STAT5B: variants seen among roughly 807,000 people sequenced by gnomAD.
STAT5B encodes transcription factor STAT5B.
In STAT5B, 21 loss-of-function variants were observed where a neutral mutation model predicts 107.8. The observed-to-expected ratio is 0.19, with a 90% confidence interval of 0.14 to 0.28. STAT5B has a LOEUF of 0.28. Among genes scored for constraint, STAT5B ranks in the 10% least tolerant of loss-of-function variants. STAT5B has a pLI of 1.00. For missense variants in STAT5B, 565 were observed against 1,008.2 expected, an observed-to-expected ratio of 0.56 and a Z score of 5.95; for synonymous variants, 325 against 401.7, an observed-to-expected ratio of 0.81 and a Z score of 2.28.
chr17:42,212,751 C>G (rs1307653601), intron 12 of STAT5B, among the ~76,000 whole-genome samples: 1 of 152,170 alleles, frequency 6.6e-6, no homozygotes. Context: ...GCTTTTCAAC[C>G]CGTTCAGCCA....
chr17:42,254,712 G>C (rs906798254), intron 1 of STAT5B, among the ~76,000 whole-genome samples: 3 of 152,058 alleles, frequency 2.0e-5, no homozygotes, highest in Non-Finnish European at 4.4e-5. Context: ...GGAAGAAAGA[G>C]AGAGAGGGAA....
chr17:42,250,133 A>T (rs925147352), intron 1 of STAT5B, among the ~76,000 whole-genome samples: 2 of 152,180 alleles, frequency 1.3e-5, no homozygotes, highest in Non-Finnish European at 2.9e-5. Flanking sequence ...AACTATCTAC[A>T]CAAAACTTGC....
At chr17:42,262,968 GTGTATATATATATATATATATA>G (rs1362326818) in intron 1 of STAT5B, among the ~76,000 whole-genome samples, 12 of 32,694 alleles carry the variant, frequency 3.7e-4, no homozygotes, top group African/African-American at 4.3e-4. Flanking sequence ...GTGTGTGTGT[GTGTATATATATATATATATATA>G]TATATATATA....
rs550604650 is a variant in STAT5B at position 42,207,268 on chromosome 17, T to C, written c.2077+290A>G. Among the ~76,000 whole-genome samples the C allele has an allele frequency of 1.5e-4, 23 of 152,322 alleles. No homozygotes were observed. In the East Asian group the frequency reaches 4.4e-3, roughly 29 times the overall value. On this transcript the variant is annotated intron_variant, in intron 16 of 18. Transcript: ENST00000293328. ...GAAAGCAATAAAACCATCTCTGTCA[T>C]GAAAAACAAAATTTTACCTAATTTT...
chr17:42,217,749 C>T (rs2080185075), intron 9 of STAT5B: 4 of 469,416 alleles, frequency 8.5e-6, no homozygotes, highest in African/African-American at 4.0e-5. Context: ...AGTGCAGTGG[C>T]GTGATCTCAG....
intron 1 of STAT5B, among the ~76,000 whole-genome samples, chr17:42,256,108 A>G (rs138230131): frequency 1.3e-5 from 2 of 152,218 alleles, no homozygotes; most frequent in African/African-American, 4.8e-5. Context: ...ATTTTATGAT[A>G]TATATACGTA....
chr17:42,244,824 T>C (rs2080437195), intron 1 of STAT5B, among the ~76,000 whole-genome samples: 2 of 152,232 alleles, frequency 1.3e-5, no homozygotes, highest in South Asian at 4.1e-4. Context: ...TAATGGGATA[T>C]GGTGCAACCA....
chr17:42,267,565 AAAGT>A (rs1249101190), intron 1 of STAT5B, among the ~76,000 whole-genome samples: 3 of 152,226 alleles, frequency 2.0e-5, no homozygotes, highest in Admixed American at 6.5e-5. Context: ...AAAAAGAGAA[AAAGT>A]AAAAGAATAA....
rs1311136395 is a variant in STAT5B, at chr17:42,266,255, C to G, written c.-11+9993G>C. On this transcript the variant is annotated intron_variant, in intron 1 of 18. Transcript: ENST00000293328. ...ATAAAAATTCAAAACTAGCCAGGCTCAGGGGCTCACACCTGCAGTCCCATC... is the reference window on the plus strand; with the variant it reads ...ATAAAAATTCAAAACTAGCCAGGCTGAGGGGCTCACACCTGCAGTCCCATC... 2.6e-5 allele frequency among the ~76,000 whole-genome samples: 4 copies of G among 151,960 alleles called. No homozygotes were observed. In the East Asian group the frequency reaches 7.7e-4, roughly 29 times the overall value.
chr17:42,224,147 G>A (rs1035684703), intron 4 of STAT5B, among the ~76,000 whole-genome samples: 2 of 150,904 alleles, frequency 1.3e-5, no homozygotes, highest in African/African-American at 4.8e-5. Context: ...TAAGTGACCT[G>A]ATCAGACCAC....
upstream of STAT5B, among the ~76,000 whole-genome samples, chr17:42,279,803 G>GAA (rs756565375): frequency 1.0e-4 from 13 of 127,470 alleles, no homozygotes; most frequent in African/African-American, 3.1e-4. Flanking sequence ...CTCCATCTCA[G>GAA]AAAAAAAAAA....
At chr17:42,202,475 G>A in intron 17 of STAT5B, 28 bp from the exon 18 acceptor site, 3 of 1,612,364 alleles carry the variant, frequency 1.9e-6, no homozygotes, top group Non-Finnish European at 2.5e-6. Context: ...CAGAGCTTCA[G>A]CTGCCAGGGA....
Position 42,212,023 on chromosome 17 carries a change from G to A in STAT5B, c.1641C>T (p.Asp547=). 3.7e-6 allele frequency: 6 copies of A among 1,613,940 alleles called. No individual in the cohort carries two copies. Among genetic ancestry groups the A allele is most frequent in the Non-Finnish European group, 5.1e-6 (6 of 1,179,922 alleles). The change falls in exon 13 of 19, where the codon GAC becomes GAT. Residue 547 remains aspartate, a synonymous_variant. Coordinates refer to ENST00000293328, the MANE Select transcript of STAT5B (RefSeq NM_012448.4). ...LFNNSSSHLE[D]YSGLSVSWSQ... is the part of the protein sequence containing the mutation. ...ACCAGGACACAGACAGGCCACTGTAGTCCTCCAGGTGGCTGCTGCTGTTGT... is the reference window on the plus strand; with the variant it reads ...ACCAGGACACAGACAGGCCACTGTAATCCTCCAGGTGGCTGCTGCTGTTGT...
At chr17:42,214,149 AT>A in intron 12 of STAT5B, 1 of 939,820 alleles carries the variant, frequency 1.1e-6, no homozygotes, top group Non-Finnish European at 1.3e-6. Flanking sequence ...TCTCAAAAAA[AT>A]TAAAAAAAAA....
intron 1 of STAT5B, chr17:42,271,869 T>C (rs959199853): frequency 6.6e-6 from 1 of 152,206 alleles, no homozygotes; most frequent in Non-Finnish European, 1.5e-5. Context: ...ACTCCAAGTA[T>C]TAACTTCATT....
intron 12 of STAT5B, among the ~76,000 whole-genome samples, chr17:42,215,412 C>T (rs946158304): frequency 6.6e-6 from 1 of 152,128 alleles, no homozygotes; most frequent in Non-Finnish European, 1.5e-5. Context: ...CCTAACAATG[C>T]TGTAGAGCAA....
chr17:42,224,584 T>C (rs531578103), intron 4 of STAT5B, among the ~76,000 whole-genome samples, 195 bp downstream of exon 4: 26 of 152,084 alleles, frequency 1.7e-4, no homozygotes, highest in South Asian at 4.2e-4. Flanking sequence ...TCAGGCAATC[T>C]GCCTGCCTCA....
chr17:42,212,359 A>G (rs935311895), intron 12 of STAT5B, among the ~76,000 whole-genome samples, 169 bp from the exon 13 acceptor site: 1 of 152,238 alleles, frequency 6.6e-6, no homozygotes, highest in African/African-American at 2.4e-5. Context: ...GAAATTCAGA[A>G]GGTTCCGTTT....
In STAT5B at chr17:42,200,470, T is replaced by C. The variant is rs2144187610; in HGVS notation, c.*1268A>G. 2 of 152,900 alleles carry C rather than the reference T, an allele frequency of 1.3e-5. No homozygotes were observed. The highest frequency in any genetic ancestry group is 4.1e-4 in the South Asian group (2 of 4,822). 9.5% of individuals were successfully genotyped at this position (152,900 alleles called of 1,614,324 possible). A position where few individuals can be genotyped will look rare whatever the true frequency, so the allele number is the denominator to read the frequency against. ...AATTATACCGAGGCTTTTTTTGTTT[T>C]GTTTTATACTTTTATCAAACTCCCC... On this transcript the variant is annotated 3_prime_UTR_variant, in exon 19 of 19. Coordinates refer to ENST00000293328, the MANE Select transcript of STAT5B (RefSeq NM_012448.4).
Sources: gnomAD v4.1 joint callset for allele counts (sites outside exome capture counted in the v4.1 genomes callset) on GRCh38, gnomAD v4.1.1 for gene constraint, MANE v1.5 for transcripts, NCBI Gene and HGNC (gene_info 2026-07-23, HGNC 2026-07-21) for gene names.